Variants in HTR3B observed in about 807,000 individuals in gnomAD.
HTR3B encodes 5-hydroxytryptamine (serotonin) receptor 3B, ionotropic.
HTR3B carries 44 observed loss-of-function variants against 42.8 expected under a neutral mutation model. The observed-to-expected ratio is 1.03, with a 90% confidence interval of 0.81 to 1.32. The LOEUF (loss-of-function observed/expected upper bound fraction) is 1.32, where lower values mean the gene tolerates loss of function less well. HTR3B is among the 40% of genes most tolerant of loss of function. HTR3B has a pLI of 0.00. For synonymous variants in HTR3B, 203 were observed against 209.0 expected (o/e 0.97, Z 0.25); for missense variants, 527 against 536.5 (o/e 0.98, Z 0.17).
chr11:113,918,023 C>T (rs780643848), intron 2 of HTR3B, among the ~76,000 whole-genome samples: 11 of 152,072 alleles, frequency 7.2e-5, no homozygotes, highest in Non-Finnish European at 1.5e-4. Context: ...TATTCTTGGC[C>T]ATCCTTTTAT....
rs963104927 is a variant in HTR3B at position 113,947,960 on chromosome 11, C to T, written c.*1823C>T. Among the ~76,000 whole-genome samples, 1 of 152,046 alleles carries T rather than the reference C, an allele frequency of 6.6e-6. No individual in the cohort carries two copies. The highest frequency in any genetic ancestry group is 2.4e-5 in the African/African-American group (1 of 41,398). Reference sequence around the variant, plus strand: ...GAAACTTTTTCCAGCACTAAAATTGCCTTTAGAAAAATCTGCCCCCCTCCA... The same window carrying T: ...GAAACTTTTTCCAGCACTAAAATTGTCTTTAGAAAAATCTGCCCCCCTCCA... On this transcript the variant is annotated 3_prime_UTR_variant, in exon 9 of 9. Coordinates refer to ENST00000260191, the MANE Select transcript of HTR3B (RefSeq NM_006028.5).
upstream of HTR3B, among the ~76,000 whole-genome samples, chr11:113,900,799 G>C (rs769597839): frequency 6.6e-6 from 1 of 152,142 alleles, no homozygotes; most frequent in Non-Finnish European, 1.5e-5. Context: ...TGGCTGGGGA[G>C]ACCTCAGGAA....
intron 2 of HTR3B, among the ~76,000 whole-genome samples, chr11:113,919,269 A>T (rs1389789932): frequency 6.6e-6 from 1 of 152,196 alleles, no homozygotes; most frequent in Non-Finnish European, 1.5e-5. Flanking sequence ...AACTTACAAC[A>T]GTAAAATTCC....
chr11:113,900,588 G>T (rs1487522643), upstream of HTR3B, among the ~76,000 whole-genome samples: 1 of 152,070 alleles, frequency 6.6e-6, no homozygotes, highest in African/African-American at 2.4e-5. Flanking sequence ...CTGCCTTCTG[G>T]GTTCAAGCGA....
At chr11:113,903,685 C>T (rs1305190388), upstream of HTR3B, among the ~76,000 whole-genome samples, 6 of 152,154 alleles carry the variant, frequency 3.9e-5, no homozygotes, top group Non-Finnish European at 1.5e-5. Context: ...GCCTCGGCCT[C>T]CCAAAGTGCT....
chr11:113,903,432 T>C (rs1047727888), upstream of HTR3B, among the ~76,000 whole-genome samples: 6 of 147,048 alleles, frequency 4.1e-5, no homozygotes, highest in South Asian at 2.1e-4. Context: ...TCTTTTCTTT[T>C]TTTTTTTTTT....
At chr11:113,920,939 A>G (rs948771709) in intron 2 of HTR3B, among the ~76,000 whole-genome samples, 1 of 151,526 alleles carries the variant, frequency 6.6e-6, no homozygotes, top group African/African-American at 2.4e-5. Flanking sequence ...CAGCCTCCCA[A>G]GTAGCTGGGA....
At chr11:113,932,872 A>G in intron 5 of HTR3B, 64 bp from the exon 6 acceptor site, 2 of 1,543,464 alleles carry the variant, frequency 1.3e-6, no homozygotes, top group Non-Finnish European at 1.8e-6. Flanking sequence ...TGGGAGCTGG[A>G]AAAGTGGGTG....
chr11:113,926,946 G>C (rs1949981799), intron 2 of HTR3B, among the ~76,000 whole-genome samples: 1 of 152,118 alleles, frequency 6.6e-6, no homozygotes, highest in Non-Finnish European at 1.5e-5. Context: ...AATTTTAGCT[G>C]TCTTAGTGAG....
intron 2 of HTR3B, among the ~76,000 whole-genome samples, chr11:113,911,581 C>T (rs1565556501): frequency 6.6e-6 from 1 of 151,998 alleles, no homozygotes; most frequent in Non-Finnish European, 1.5e-5. Flanking sequence ...GGCTGGAGTG[C>T]TGTGGCACCA....
chr11:113,912,388 C>A (rs1949804290), intron 2 of HTR3B, among the ~76,000 whole-genome samples: 1 of 152,152 alleles, frequency 6.6e-6, no homozygotes. Context: ...GGACTACAGG[C>A]GTGTGCCACG....
chr11:113,930,429 G>GTTCT (rs1229729486), intron 2 of HTR3B, among the ~76,000 whole-genome samples: 1 of 147,498 alleles, frequency 6.8e-6, no homozygotes, highest in African/African-American at 2.5e-5. Flanking sequence ...GTTTCAGAAT[G>GTTCT]TTCTTTACTA....
chr11:113,902,916 TG>T (rs1949705366), upstream of HTR3B, among the ~76,000 whole-genome samples: 1 of 152,216 alleles, frequency 6.6e-6, no homozygotes, highest in East Asian at 1.9e-4. Flanking sequence ...TTGCCCAGGC[TG>T]GAGTGCAGTG....
At chr11:113,904,733 T>C, upstream of HTR3B, 2 of 523,494 alleles carry the variant, frequency 3.8e-6, no homozygotes, top group Non-Finnish European at 6.9e-6. Context: ...CATGACGGCA[T>C]CAATTCCAAA....
chr11:113,914,300 ACTAAAAATACAAAAT>A, intron 2 of HTR3B, among the ~76,000 whole-genome samples: 1 of 151,488 alleles, frequency 6.6e-6, no homozygotes, highest in South Asian at 2.1e-4. Flanking sequence ...CCCCGTCTCT[ACTAAAAATACAAAAT>A]CAGCCAGGTG....
intron 2 of HTR3B, among the ~76,000 whole-genome samples, chr11:113,910,510 G>A (rs150193855): frequency 0.012 from 1,825 of 149,018 alleles, 42 homozygotes; most frequent in African/African-American, 0.044. Context: ...GCACGATCTC[G>A]GCTCACTGCA....
At chr11:113,945,568 T>C (rs901667980) in intron 8 of HTR3B, among the ~76,000 whole-genome samples, 6 of 152,220 alleles carry the variant, frequency 3.9e-5, no homozygotes, top group Admixed American at 3.9e-4. Context: ...AGGTTCTAGT[T>C]GCTTAATGTG....
chr11:113,929,236 T>C (rs1565562699), intron 2 of HTR3B, among the ~76,000 whole-genome samples: 1 of 152,362 alleles, frequency 6.6e-6, no homozygotes, highest in East Asian at 1.9e-4. Flanking sequence ...TTGTATCTCA[T>C]TGTGGTTTTG....
the HTR3B span, among the ~76,000 whole-genome samples, chr11:113,899,493 T>C: frequency 6.6e-6 from 1 of 152,240 alleles, no homozygotes; most frequent in Non-Finnish European, 1.5e-5. Flanking sequence ...TCAAAATTCC[T>C]GTCAATTTTA....
Sources: gnomAD v4.1 joint callset for allele counts (sites outside exome capture counted in the v4.1 genomes callset) on GRCh38, gnomAD v4.1.1 for gene constraint, MANE v1.5 for transcripts, NCBI Gene and HGNC (gene_info 2026-07-23, HGNC 2026-07-21) for gene names.